ARHGAP22: variants seen among roughly 807,000 people sequenced by gnomAD.
The protein encoded by ARHGAP22 is Rho GTPase activating protein 22.
In ARHGAP22, 48 loss-of-function variants were observed where a neutral mutation model predicts 59.1. That is an observed-to-expected ratio of 0.81 (90% CI 0.64 to 1.03). The LOEUF (loss-of-function observed/expected upper bound fraction) is 1.03. Ranked by LOEUF, ARHGAP22 falls within the 50% of genes least tolerant of loss-of-function variation. The probability of loss-of-function intolerance (pLI) is 0.00; values close to 1 mark genes in which losing one functional copy is unlikely to be tolerated. For missense variants in ARHGAP22, 1,015 were observed against 958.7 expected (o/e 1.06, Z -0.78); for synonymous variants, 445 against 416.4 (o/e 1.07, Z -0.84).
At chr10:48,604,290 C>A (rs762462147) in intron 1 of ARHGAP22, among the ~76,000 whole-genome samples, 2 of 152,210 alleles carry the variant, frequency 1.3e-5, no homozygotes, top group Non-Finnish European at 2.9e-5. Flanking sequence ...CCCTGGCCTG[C>A]TTGAGGAAAT....
intron 3 of ARHGAP22, among the ~76,000 whole-genome samples, chr10:48,538,268 T>C (rs1410133732): frequency 1.3e-5 from 2 of 152,174 alleles, no homozygotes; most frequent in African/African-American, 4.8e-5. Flanking sequence ...TGTGTCTCTG[T>C]GCATCCTGTC....
At chr10:48,588,787 C>A (rs1339229739) in intron 1 of ARHGAP22, among the ~76,000 whole-genome samples, 1 of 152,202 alleles carries the variant, frequency 6.6e-6, no homozygotes, top group Non-Finnish European at 1.5e-5. Flanking sequence ...TAAATCACAA[C>A]CACCACGGAG....
At chr10:48,491,923 C>A (rs2050436270) in intron 3 of ARHGAP22, among the ~76,000 whole-genome samples, 1 of 152,248 alleles carries the variant, frequency 6.6e-6, no homozygotes, top group Non-Finnish European at 1.5e-5. Context: ...ACTGCTTCTG[C>A]CTGTGGCTTG....
At chr10:48,539,449 G>T (rs57916850) in intron 3 of ARHGAP22, among the ~76,000 whole-genome samples, 4,754 of 150,580 alleles carry the variant, frequency 0.032, 284 homozygotes, top group African/African-American at 0.11. Flanking sequence ...CCGCCACTAC[G>T]CCCGGCTAAT....
intron 3 of ARHGAP22, among the ~76,000 whole-genome samples, chr10:48,551,540 C>T (rs765526416): frequency 1.3e-5 from 2 of 152,252 alleles, no homozygotes; most frequent in Non-Finnish European, 2.9e-5. Context: ...CCCTTTCTCT[C>T]AGCCTCCCTT....
rs568174969 is a variant in ARHGAP22 at position 48,629,570 on chromosome 10, C to T, written c.52+22664G>A. ...ATTTCTCTATTTGATTCCATTCATC[C>T]ACGTGTCTATCATTTTGCTCATATC... On this transcript the variant is annotated intron_variant, in intron 1 of 9. Coordinates refer to the ARHGAP22 transcript ENST00000435790. Among the ~76,000 whole-genome samples, 72 of 152,220 alleles carry T rather than the reference C, an allele frequency of 4.7e-4. 1 individual carries two copies. Among genetic ancestry groups the T allele is most frequent in the Middle Eastern group, 3.4e-3 (1 of 294 alleles).
At chr10:48,451,754 T>A (rs1396137536) in intron 8 of ARHGAP22, 1 of 559,514 alleles carries the variant, frequency 1.8e-6, no homozygotes, top group East Asian at 2.9e-5. Context: ...CCACCCAGCC[T>A]CCCCAAATCC....
chr10:48,643,292 C>T (rs551421867), intron 1 of ARHGAP22, among the ~76,000 whole-genome samples: 13 of 151,584 alleles, frequency 8.6e-5, no homozygotes, highest in East Asian at 5.8e-4. Context: ...ATGCACACGC[C>T]GCAATAAACA....
At chr10:48,572,368 C>T (rs939597506) in intron 2 of ARHGAP22, among the ~76,000 whole-genome samples, 8 of 152,222 alleles carry the variant, frequency 5.3e-5, no homozygotes, top group African/African-American at 1.9e-4. Context: ...GTCCACAAGT[C>T]ACAACTACAG....
chr10:48,448,580 A>G (rs1235514068), intron 9 of ARHGAP22, among the ~76,000 whole-genome samples: 1 of 150,430 alleles, frequency 6.6e-6, no homozygotes, highest in East Asian at 2.0e-4. Context: ...GGGAGCCAGG[A>G]CAAGGCCAGC....
intron 3 of ARHGAP22, among the ~76,000 whole-genome samples, chr10:48,536,985 C>T (rs1027172065): frequency 6.6e-6 from 1 of 151,466 alleles, no homozygotes; most frequent in Non-Finnish European, 1.5e-5. Context: ...CCAGGCCACT[C>T]AATAAAAAAA....
At chr10:48,616,206 C>T (rs2061075059) in intron 1 of ARHGAP22, among the ~76,000 whole-genome samples, 1 of 152,042 alleles carries the variant, frequency 6.6e-6, no homozygotes, top group Non-Finnish European at 1.5e-5. Context: ...GCAATAAAGT[C>T]TTTTTAAATT....
chr10:48,596,679 A>G (rs1035287674), intron 1 of ARHGAP22, among the ~76,000 whole-genome samples: 1 of 152,046 alleles, frequency 6.6e-6, no homozygotes, highest in Non-Finnish European at 1.5e-5. Flanking sequence ...ATGAAAACCC[A>G]CCCTCTGAGA....
intron 3 of ARHGAP22, among the ~76,000 whole-genome samples, chr10:48,531,745 A>C (rs2054871887): frequency 6.6e-6 from 1 of 152,086 alleles, no homozygotes; most frequent in South Asian, 2.1e-4. Flanking sequence ...GGTTAAGCTC[A>C]GATTGGAACC....
chr10:48,607,711 C>A (rs559302260), upstream of ARHGAP22, among the ~76,000 whole-genome samples: 2 of 152,232 alleles, frequency 1.3e-5, no homozygotes, highest in African/African-American at 4.8e-5. Context: ...AGCTTAGCAG[C>A]GGAGACAGAT....
At chr10:48,607,014 A>G (rs779986328), upstream of ARHGAP22, among the ~76,000 whole-genome samples, 29 of 152,216 alleles carry the variant, frequency 1.9e-4, no homozygotes, top group Middle Eastern at 3.4e-3. Context: ...GGGGCCACCC[A>G]TGAGGAGTGG....
At chr10:48,580,152 C>T (rs780323218) in intron 2 of ARHGAP22, among the ~76,000 whole-genome samples, 10 of 152,224 alleles carry the variant, frequency 6.6e-5, no homozygotes, top group African/African-American at 1.2e-4. Context: ...CATGATTCAA[C>T]GTGCTCCCTG....
chr10:48,648,905 A>G (rs529248469), intron 1 of ARHGAP22, among the ~76,000 whole-genome samples: 1 of 152,228 alleles, frequency 6.6e-6, no homozygotes, highest in South Asian at 2.1e-4. Context: ...ATGGATGCCC[A>G]TGGATGTGAC....
chr10:48,486,186 T>C (rs555297597), intron 3 of ARHGAP22, among the ~76,000 whole-genome samples: 4 of 152,274 alleles, frequency 2.6e-5, no homozygotes, highest in East Asian at 1.9e-4. Flanking sequence ...AGTGATATTA[T>C]ACCCCTTCAT....
Sources: allele counts gnomAD v4.1 joint callset (sites outside exome capture counted in the v4.1 genomes callset), GRCh38; gene constraint gnomAD v4.1.1; transcripts MANE v1.5; gene names NCBI Gene and HGNC (gene_info 2026-07-23, HGNC 2026-07-21).